Variants in AK7 observed in about 807,000 individuals in gnomAD.
AK7 encodes the protein adenylate kinase 7, also known as ATP-AMP transphosphorylase 7.
Under a neutral mutation model 96.6 loss-of-function variants are expected in AK7, and 78 were observed. That is an observed-to-expected ratio of 0.81 (90% CI 0.67 to 0.97). The LOEUF (loss-of-function observed/expected upper bound fraction) is 0.97, where lower values mean the gene tolerates loss of function less well. Ranked by LOEUF, AK7 falls within the 50% of genes least tolerant of loss-of-function variation. The pLI, the probability that AK7 is intolerant of heterozygous loss-of-function variation, is 0.00. For synonymous variants in AK7, 302 were observed against 317.2 expected (o/e 0.95, Z 0.51); for missense variants, 855 against 887.9 (o/e 0.96, Z 0.47).
rs181491582 is a variant in AK7, at chr14:96,399,133, G to A, written c.294+870G>A. ...CTAGATCATAGTGCTTTTCACACTC[G>A]TTGTTATCACCTGTCTATCGTGGGG... On this transcript the variant is annotated intron_variant, in intron 2 of 17. Coordinates refer to ENST00000267584, the MANE Select transcript of AK7 (RefSeq NM_152327.5). This position sits in a 1 kb window ranked among gnomAD's most constrained non-coding sequence, Gnocchi z 4.1. The A allele has an allele frequency of 3.9e-5, 6 of 152,082 alleles. No individual in the cohort carries two copies. The highest frequency in any genetic ancestry group is 1.2e-4 in the African/African-American group (5 of 41,368). The allele number at this position is 152,082 out of a possible 1,614,324, so 9.4% of individuals were successfully genotyped here.
At chr14:96,457,757 A>C (rs775273726) in intron 11 of AK7, among the ~76,000 whole-genome samples, 2 of 152,222 alleles carry the variant, frequency 1.3e-5, no homozygotes, top group African/African-American at 2.4e-5. Flanking sequence ...ATGATTATTA[A>C]AAGTCTTGAT....
intron 3 of AK7, among the ~76,000 whole-genome samples, chr14:96,407,003 TA>T (rs1354137384): frequency 6.6e-6 from 1 of 152,242 alleles, no homozygotes; most frequent in Non-Finnish European, 1.5e-5. Context: ...TTTATTAAAT[TA>T]TTTTTAAATG....
intron 4 of AK7, among the ~76,000 whole-genome samples, chr14:96,416,385 CA>C (rs35859783): frequency 1.1e-3 from 132 of 120,876 alleles, no homozygotes; most frequent in Middle Eastern, 4.2e-3. Flanking sequence ...GACTCTGTCT[CA>C]AAAAAAAAAA....
chr14:96,475,461 G>C (rs551819573), intron 14 of AK7, among the ~76,000 whole-genome samples: 26 of 152,310 alleles, frequency 1.7e-4, no homozygotes, highest in Non-Finnish European at 2.5e-4. Context: ...TTCGGGACTG[G>C]CTAGTTTGAG....
chr14:96,433,790 G>A (rs1198863069), intron 5 of AK7, among the ~76,000 whole-genome samples: 1 of 151,774 alleles, frequency 6.6e-6, no homozygotes, highest in Admixed American at 6.6e-5. Flanking sequence ...TTTAATAGGG[G>A]GTTTTCAAGC....
In AK7 at chr14:96,411,794, C is replaced by T. The variant is rs568664288; in HGVS notation, c.498+2853C>T. 3.0e-4 allele frequency among the ~76,000 whole-genome samples: 46 copies of T among 152,288 alleles called. No individual in the cohort carries two copies. The Middle Eastern group carries it at 0.01, about 34-fold the overall frequency. Reference sequence around the variant, plus strand: ...CGTGGCAGAAGATGTGGCATCCGTTCGAAGTCAGAGTGAGCTGAGTAAGAC... The same window carrying T: ...CGTGGCAGAAGATGTGGCATCCGTTTGAAGTCAGAGTGAGCTGAGTAAGAC... On this transcript the variant is annotated intron_variant, in intron 4 of 17. Coordinates refer to ENST00000267584, the MANE Select transcript of AK7 (RefSeq NM_152327.5).
At chr14:96,437,157 A>C (rs1273215647) in intron 5 of AK7, among the ~76,000 whole-genome samples, 1 of 152,160 alleles carries the variant, frequency 6.6e-6, no homozygotes, top group Non-Finnish European at 1.5e-5. Context: ...CACAGCAGGG[A>C]GACTATAGTC....
At chr14:96,407,434 G>A (rs926517341) in intron 3 of AK7, among the ~76,000 whole-genome samples, 7 of 152,064 alleles carry the variant, frequency 4.6e-5, no homozygotes, top group African/African-American at 1.4e-4. Flanking sequence ...CTTAGATCCA[G>A]GATATCAGCA....
intron 7 of AK7, 59 bp downstream of exon 7, chr14:96,442,877 C>A: frequency 6.7e-7 from 1 of 1,488,322 alleles, no homozygotes; most frequent in Non-Finnish European, 9.4e-7. Flanking sequence ...TTGTTTGTAG[C>A]CTAATACTTT....
intron 12 of AK7, among the ~76,000 whole-genome samples, chr14:96,466,411 G>T (rs950542580): frequency 6.6e-6 from 1 of 151,784 alleles, no homozygotes; most frequent in African/African-American, 2.4e-5. Context: ...TAATTTTTTT[G>T]TATTTTTTAG....
intron 5 of AK7, among the ~76,000 whole-genome samples, chr14:96,426,367 T>C (rs1892028826): frequency 6.6e-6 from 1 of 152,142 alleles, no homozygotes; most frequent in African/African-American, 2.4e-5. Flanking sequence ...TATCTTATTG[T>C]ACTGTGTCAT....
intron 5 of AK7, among the ~76,000 whole-genome samples, chr14:96,430,986 C>T (rs1892317780): frequency 1.3e-5 from 2 of 152,204 alleles, no homozygotes; most frequent in South Asian, 4.2e-4. Flanking sequence ...TCAACATCTC[C>T]CTGGTTTAGT....
At position 96,477,797 on chromosome 14, in the gene AK7, T is replaced by C. The variant is rs540934877; in HGVS notation, c.1556-668T>C. Among the ~76,000 whole-genome samples, 13 of 152,262 alleles carry C rather than the reference T, an allele frequency of 8.5e-5. No individual in the cohort carries two copies. The East Asian group carries it at 2.3e-3, about 27-fold the overall frequency. ...GATCCATGAAAATTCCAAGGGGAGT[T>C]CCCATTTTATTAATTTGGCAAACTG... On this transcript the variant is annotated intron_variant, in intron 14 of 17. Transcript: ENST00000267584.
intron 15 of AK7, among the ~76,000 whole-genome samples, chr14:96,479,376 C>T (rs1296856002): frequency 2.0e-5 from 3 of 149,298 alleles, no homozygotes; most frequent in African/African-American, 7.5e-5. Flanking sequence ...CGTGCCTGGC[C>T]GACAAACTCT....
intron 5 of AK7, among the ~76,000 whole-genome samples, chr14:96,431,880 TG>T (rs1383272138): frequency 6.6e-6 from 1 of 152,170 alleles, no homozygotes; most frequent in East Asian, 1.9e-4. Context: ...CCATTATTAT[TG>T]TGTAGGAGTC....
intron 4 of AK7, among the ~76,000 whole-genome samples, chr14:96,410,205 T>C (rs914870135): frequency 5.9e-5 from 9 of 152,186 alleles, no homozygotes; most frequent in African/African-American, 9.7e-5. Flanking sequence ...TCATGCTCTT[T>C]CCTTGTAAAG....
intron 14 of AK7, among the ~76,000 whole-genome samples, chr14:96,476,435 G>T (rs1260806622): frequency 1.3e-5 from 2 of 151,572 alleles, no homozygotes; most frequent in Non-Finnish European, 2.9e-5. Context: ...AACCCGGGAG[G>T]CAGAGGTTGC....
intron 14 of AK7, among the ~76,000 whole-genome samples, chr14:96,473,443 G>C (rs1333398524): frequency 6.7e-6 from 1 of 150,370 alleles, no homozygotes; most frequent in Non-Finnish European, 1.5e-5. Flanking sequence ...GATTACAAGT[G>C]TGAGCCACCT....
chr14:96,471,664 T>C (rs1894899030), intron 13 of AK7, 58 bp downstream of exon 13: 1 of 1,342,678 alleles, frequency 7.4e-7, no homozygotes, highest in Non-Finnish European at 9.9e-7. Context: ...AACTTTATTG[T>C]TCAGAGAAGT....
Sources: gnomAD v4.1 joint callset for allele counts (sites outside exome capture counted in the v4.1 genomes callset) on GRCh38, gnomAD v4.1.1 for gene constraint, Gnocchi (gnomAD v3.1) non-coding constraint, MANE v1.5 for transcripts, NCBI Gene and HGNC (gene_info 2026-07-23, HGNC 2026-07-21) for gene names.